The following PTPRQ variants were observed in gnomAD, a reference collection of about 807,000 sequenced individuals.
The protein encoded by PTPRQ is protein tyrosine phosphatase receptor type Q.
Under a neutral mutation model 246.0 loss-of-function variants are expected in PTPRQ, and 199 were observed. The observed-to-expected ratio is 0.81, with a 90% CI of 0.72 to 0.91. PTPRQ has a LOEUF of 0.91. Among genes scored for constraint, PTPRQ ranks in the 40% least tolerant of loss-of-function variants. The pLI is 0.00. For synonymous variants in PTPRQ, 869 were observed against 853.2 expected (o/e 1.02, Z -0.32); for missense variants, 2,624 against 2,528.4 (o/e 1.04, Z -0.81).
intron 3 of PTPRQ, among the ~76,000 whole-genome samples, chr12:80,446,013 T>C (rs1018836277): frequency 2.6e-5 from 4 of 151,822 alleles, no homozygotes; most frequent in Non-Finnish European, 4.4e-5. Flanking sequence ...GAAATAAAAA[T>C]TATGTAAAGT....
intron 5 of PTPRQ, among the ~76,000 whole-genome samples, chr12:80,459,826 G>A (rs1893096402): frequency 6.6e-6 from 1 of 152,118 alleles, no homozygotes; most frequent in Non-Finnish European, 1.5e-5. Context: ...TCCCGGTGGA[G>A]GATACTTTAT....
At chr12:80,480,814 A>G (rs1234594324) in intron 8 of PTPRQ, among the ~76,000 whole-genome samples, 1 of 152,218 alleles carries the variant, frequency 6.6e-6, no homozygotes, top group Non-Finnish European at 1.5e-5. Flanking sequence ...CTCTCCCAAG[A>G]CTAAACCAGG....
intron 35 of PTPRQ, among the ~76,000 whole-genome samples, chr12:80,645,108 T>A (rs1427822845): frequency 6.6e-6 from 1 of 152,068 alleles, no homozygotes; most frequent in Non-Finnish European, 1.5e-5. Context: ...TGGATTTAGA[T>A]AAAAAAGAGT....
chr12:80,450,471 T>C (rs986298209), intron 3 of PTPRQ, among the ~76,000 whole-genome samples: 4 of 152,242 alleles, frequency 2.6e-5, no homozygotes, highest in Non-Finnish European at 4.4e-5. Context: ...TCAAAGGGAA[T>C]GCTTCTGGTT....
intron 26 of PTPRQ, among the ~76,000 whole-genome samples, chr12:80,602,675 C>T (rs1213745788): frequency 6.6e-6 from 1 of 151,726 alleles, no homozygotes; most frequent in African/African-American, 2.4e-5. Flanking sequence ...CTTATAGGCC[C>T]CACCTCTTCA....
At chr12:80,541,101 G>C (rs1030052843) in intron 20 of PTPRQ, among the ~76,000 whole-genome samples, 1 of 151,958 alleles carries the variant, frequency 6.6e-6, no homozygotes, top group Non-Finnish European at 1.5e-5. Flanking sequence ...TGATTCTTCT[G>C]GCTACCCACA....
intron 35 of PTPRQ, among the ~76,000 whole-genome samples, chr12:80,636,136 A>G (rs1414278128): frequency 2.0e-5 from 3 of 152,186 alleles, no homozygotes; most frequent in Admixed American, 6.5e-5. Flanking sequence ...TTGCAGGGAA[A>G]TGTGTTTTCT....
intron 18 of PTPRQ, 109 bp downstream of exon 18, chr12:80,534,284 A>G: frequency 8.5e-7 from 1 of 1,172,602 alleles, no homozygotes; most frequent in South Asian, 2.3e-5. Context: ...CCTAATATTC[A>G]TCATCAGTTT....
At chr12:80,653,028 A>C (rs945187574) in intron 38 of PTPRQ, among the ~76,000 whole-genome samples, 194 bp downstream of exon 38, 1 of 152,012 alleles carries the variant, frequency 6.6e-6, no homozygotes, top group African/African-American at 2.4e-5. Context: ...CGTGGTTTTC[A>C]GTTTGTTCAC....
At chr12:80,583,974 G>C (rs1193889831) in intron 25 of PTPRQ, 1 of 152,098 alleles carries the variant, frequency 6.6e-6, no homozygotes, top group African/African-American at 2.4e-5. Flanking sequence ...TCCTTCTTGA[G>C]AGCCAACAAT....
intron 25 of PTPRQ, among the ~76,000 whole-genome samples, chr12:80,577,704 T>G (rs1050856059): frequency 2.0e-5 from 3 of 152,172 alleles, no homozygotes; most frequent in Non-Finnish European, 4.4e-5. Flanking sequence ...ATGGTTTATA[T>G]TTGGGGCCCC....
chr12:80,638,362 T>G (rs1405108912), intron 35 of PTPRQ, among the ~76,000 whole-genome samples: 1 of 152,180 alleles, frequency 6.6e-6, no homozygotes, highest in East Asian at 1.9e-4. Flanking sequence ...AAATTTTTCA[T>G]GCAAAATTGA....
intron 27 of PTPRQ, among the ~76,000 whole-genome samples, chr12:80,605,439 A>T (rs957759866): frequency 6.6e-6 from 1 of 151,312 alleles, no homozygotes; most frequent in African/African-American, 2.4e-5. Flanking sequence ...AGATATTAGT[A>T]ACATTATTAT....
At chr12:80,477,822 G>A (rs972065011) in intron 8 of PTPRQ, among the ~76,000 whole-genome samples, 5 of 152,166 alleles carry the variant, frequency 3.3e-5, no homozygotes, top group South Asian at 2.1e-4. Context: ...CTTTTCTGAC[G>A]GGCTTAAAAA....
Position 80,542,238 on chromosome 12 carries a change from A to T in PTPRQ, c.3595A>T (p.Thr1199Ser). The T allele has an allele frequency of 6.4e-7, 1 of 1,550,834 alleles. No individual in the cohort carries two copies. The highest frequency in any genetic ancestry group is 2.4e-5 in the East Asian group (1 of 40,858). Residue 1199 changes from threonine (T) to serine (S), a missense_variant, in exon 22 of 45, where the codon ACT (threonine) becomes TCT (serine). Coordinates refer to ENST00000644991, the MANE Select transcript of PTPRQ (RefSeq NM_001145026.2). ...ACCAAATGAAAATTATTCTTTCATT[A>T]CTTCTGATAATTACATAATATTGGA... Reference protein sequence around the residue: ...QGPNENYSFITSDNYIILEEL... With the variant: ...QGPNENYSFISSDNYIILEEL...
At chr12:80,451,494 C>T (rs1892768684) in intron 3 of PTPRQ, among the ~76,000 whole-genome samples, 2 of 9,036 alleles carry the variant, frequency 2.2e-4, no homozygotes, top group South Asian at 4.8e-3. Context: ...TGGATCTTTC[C>T]TGCTTTCTCT....
At chr12:80,459,608 C>T in intron 5 of PTPRQ, 125 bp downstream of exon 5, 4 of 395,602 alleles carry the variant, frequency 1.0e-5, no homozygotes, top group Non-Finnish European at 1.3e-5. Flanking sequence ...CTTATGGTAT[C>T]ATGTTATACA....
At chr12:80,550,188 G>A (rs1320293912) in intron 25 of PTPRQ, among the ~76,000 whole-genome samples, 1 of 151,800 alleles carries the variant, frequency 6.6e-6, no homozygotes, top group Non-Finnish European at 1.5e-5. Flanking sequence ...CATGTTATTT[G>A]AATAAAATAT....
intron 25 of PTPRQ, among the ~76,000 whole-genome samples, chr12:80,575,462 A>G (rs1301188367): frequency 6.6e-6 from 1 of 152,024 alleles, no homozygotes; most frequent in Non-Finnish European, 1.5e-5. Flanking sequence ...GTGTGCCTGT[A>G]GTTCCACCTA....
Sources: allele counts gnomAD v4.1 joint callset (sites outside exome capture counted in the v4.1 genomes callset), GRCh38; gene constraint gnomAD v4.1.1; transcripts MANE v1.5; gene names NCBI Gene and HGNC (gene_info 2026-07-23, HGNC 2026-07-21).